Variants in MFSD2B observed in about 807,000 individuals in gnomAD.
MFSD2B encodes the protein sphingosine-1-phosphate transporter MFSD2B.
In MFSD2B, 56 loss-of-function variants were observed where a neutral mutation model predicts 58.4. The ratio of observed to expected loss-of-function variants is 0.96; its 90% confidence interval spans 0.77 to 1.20. The LOEUF is 1.20. MFSD2B is among the 50% of genes most tolerant of loss of function. The pLI, the probability that MFSD2B is intolerant of heterozygous loss-of-function variation, is 0.00. For synonymous variants in MFSD2B, 287 were observed against 294.4 expected (o/e 0.97, Z 0.26); for missense variants, 645 against 667.6 (o/e 0.97, Z 0.37).
rs773613843 is a variant in MFSD2B at position 24,022,555 on chromosome 2, G to A, written c.978+39G>A. ...GGGTGGTGGAGGCTAGGTCACTTGGGGCCCTGAGCTGGGGACATGTGTGGT... is the reference window on the plus strand; with the variant it reads ...GGGTGGTGGAGGCTAGGTCACTTGGAGCCCTGAGCTGGGGACATGTGTGGT... On this transcript the variant is annotated intron_variant, in intron 9 of 13. Coordinates refer to ENST00000338315, the MANE Select transcript of MFSD2B (RefSeq NM_001346880.2). The surrounding 1 kb of genome is among the most constrained non-coding windows in gnomAD (Gnocchi z 4.5). 29 of 1,524,022 alleles carry A rather than the reference G, an allele frequency of 1.9e-5. No homozygotes were observed. In the East Asian group the frequency reaches 6.7e-4, roughly 35 times the overall value. The allele number at this position is 1,524,022 out of a possible 1,614,324, so 94.4% of individuals were successfully genotyped here.
chr2:24,010,242 C>T, intron 1 of MFSD2B, 50 bp downstream of exon 1: 1 of 1,293,704 alleles, frequency 7.7e-7, no homozygotes, highest in South Asian at 1.9e-5. Context: ...CGGGGAGCTC[C>T]AGGGCGTCGC....
chr2:24,017,072 G>T lies in MFSD2B; in HGVS notation c.471+104G>T. 2 of 1,486,430 alleles carry T rather than the reference G, an allele frequency of 1.3e-6. No homozygotes were observed. Among genetic ancestry groups the T allele is most frequent in the Non-Finnish European group, 9.1e-7 (1 of 1,102,636 alleles). 92.1% of individuals were successfully genotyped at this position (1,486,430 alleles called of 1,614,324 possible). A position where few individuals can be genotyped will look rare whatever the true frequency, so the allele number is the denominator to read the frequency against. ...GGCAGGGCTGCCGCCCTCCCCACCC[G>T]CCTGTGCCTGGACCATGCCATTGGC... On this transcript the variant is annotated intron_variant, in intron 4 of 13. Coordinates refer to ENST00000338315, the MANE Select transcript of MFSD2B (RefSeq NM_001346880.2). The surrounding 1 kb of genome is among the most constrained non-coding windows in gnomAD (Gnocchi z 4.8).
chr2:24,014,871 G>A (rs533032820), intron 2 of MFSD2B, among the ~76,000 whole-genome samples: 8 of 151,996 alleles, frequency 5.3e-5, no homozygotes, highest in African/African-American at 1.9e-4. Flanking sequence ...TGTAATCCCA[G>A]CACTTTGCGA....
intron 2 of MFSD2B, among the ~76,000 whole-genome samples, chr2:24,015,155 T>G (rs1709093336): frequency 6.8e-6 from 1 of 147,728 alleles, no homozygotes; most frequent in Admixed American, 6.8e-5. Context: ...AAAAATGAGG[T>G]ATCCAGCCGG....
chr2:24,010,317 G>C (rs1708911881), intron 1 of MFSD2B, 125 bp downstream of exon 1: 1 of 726,246 alleles, frequency 1.4e-6, no homozygotes, highest in African/African-American at 1.9e-5. Flanking sequence ...CCAGCTCAGG[G>C]GCTGCCCTCG....
At chr2:24,013,760 GTT>G (rs10581925) in intron 2 of MFSD2B, among the ~76,000 whole-genome samples, 75,179 of 139,158 alleles carry the variant, frequency 0.54, 20,077 homozygotes, top group East Asian at 0.76. Flanking sequence ...GAATTTTTTT[GTT>G]TTTTTTTTTT....
At chr2:24,016,480 C>G (rs1193407409) in intron 3 of MFSD2B, among the ~76,000 whole-genome samples, 200 bp downstream of exon 3, 2 of 152,194 alleles carry the variant, frequency 1.3e-5, no homozygotes, top group Non-Finnish European at 2.9e-5. Flanking sequence ...CCCCAGATGG[C>G]ACGGGGCTGG....
chr2:24,019,007 C>T (rs563111371), intron 6 of MFSD2B, among the ~76,000 whole-genome samples: 16 of 152,038 alleles, frequency 1.1e-4, no homozygotes, highest in South Asian at 2.1e-4. Context: ...TGCGCCACCA[C>T]GCCTGGCTAA....
intron 3 of MFSD2B, 44 bp downstream of exon 3, chr2:24,016,324 G>T: frequency 1.9e-6 from 3 of 1,590,100 alleles, no homozygotes; most frequent in Non-Finnish European, 2.6e-6. Flanking sequence ...CCTGGTCCTG[G>T]CCCTGAGGTC....
At chr2:24,019,440 C>T (rs1662673880) in intron 6 of MFSD2B, among the ~76,000 whole-genome samples, 1 of 151,968 alleles carries the variant, frequency 6.6e-6, no homozygotes, top group Non-Finnish European at 1.5e-5. Flanking sequence ...GAAAATGTTA[C>T]AGCCAGGTGC....
Position 24,025,511 on chromosome 2 carries a change from C to T in MFSD2B, c.*55C>T. On this transcript the variant is annotated 3_prime_UTR_variant, in exon 14 of 14. Transcript: ENST00000338315. Reference sequence around the variant, plus strand: ...AGGAGCCAGCACCCTCGGGGCCTGACATCGCCCTCCTCAGCCCTCCAGCAC... The same window carrying T: ...AGGAGCCAGCACCCTCGGGGCCTGATATCGCCCTCCTCAGCCCTCCAGCAC... The T allele has an allele frequency of 6.8e-7, 1 of 1,475,900 alleles. No homozygotes were observed. The highest frequency in any genetic ancestry group is 1.2e-5 in the South Asian group (1 of 82,834). The allele number at this position is 1,475,900 out of a possible 1,614,324, so 91.4% of individuals were successfully genotyped here.
chr2:24,016,723 C>A, intron 3 of MFSD2B, 122 bp from the exon 4 acceptor site: 1 of 1,244,174 alleles, frequency 8.0e-7, no homozygotes, highest in Admixed American at 2.4e-5. Flanking sequence ...GGCTCCCACC[C>A]AGGGCGCCCC....
intron 3 of MFSD2B, 44 bp from the exon 4 acceptor site, chr2:24,016,801 T>C: frequency 6.2e-7 from 1 of 1,606,368 alleles, no homozygotes; most frequent in Non-Finnish European, 8.5e-7. Flanking sequence ...TGTGTTCCCC[T>C]GTCTGGGTCG....
chr2:24,010,509 G>A (rs960692843), intron 1 of MFSD2B, among the ~76,000 whole-genome samples: 3 of 152,194 alleles, frequency 2.0e-5, no homozygotes, highest in African/African-American at 7.2e-5. Context: ...CCGAGCTCTG[G>A]GCAGGCAGGG....
chr2:24,015,171 G>T (rs1049291662), intron 2 of MFSD2B, among the ~76,000 whole-genome samples: 7 of 151,274 alleles, frequency 4.6e-5, no homozygotes, highest in Non-Finnish European at 1.0e-4. Context: ...GCCGGGTATG[G>T]TGGCTCACAC....
At position 24,026,228 on chromosome 2, in the gene MFSD2B, C is replaced by A. The variant is rs1225950140; in HGVS notation, c.*772C>A. ...GGTTTTCAAAACAAGCGTAACTGAA[C>A]AGAGTATATATATGTATGTATATAA... On this transcript the variant is annotated 3_prime_UTR_variant, in exon 14 of 14. Transcript: ENST00000338315. 6.6e-6 allele frequency: 1 copy of A among 152,184 alleles called. No homozygotes were observed. Among genetic ancestry groups the A allele is most frequent in the Non-Finnish European group, 1.5e-5 (1 of 68,064 alleles). The allele number at this position is 152,184 out of a possible 1,614,324, so 9.4% of individuals were successfully genotyped here.
At chr2:24,015,204 G>C (rs1215645291) in intron 2 of MFSD2B, among the ~76,000 whole-genome samples, 1 of 151,984 alleles carries the variant, frequency 6.6e-6, no homozygotes, top group Non-Finnish European at 1.5e-5. Context: ...GGGAGGTCAA[G>C]GCGGGAGGAC....
rs1029993257 is a variant in MFSD2B at position 24,017,973 on chromosome 2, C to T, written c.681+385C>T. ...CCCTTCCTATGACCCATGCCCCCTC[C>T]CCCAGCCCTGACCAGGTGAGCCCCC... On this transcript the variant is annotated intron_variant, in intron 6 of 13. Coordinates refer to ENST00000338315, the MANE Select transcript of MFSD2B (RefSeq NM_001346880.2). The surrounding 1 kb of genome is among the most constrained non-coding windows in gnomAD (Gnocchi z 4.8). 6.6e-6 allele frequency among the ~76,000 whole-genome samples: 1 copy of T among 152,068 alleles called. No individual in the cohort carries two copies. Among genetic ancestry groups the T allele is most frequent in the African/African-American group, 2.4e-5 (1 of 41,412 alleles).
chr2:24,023,847 G>A lies in MFSD2B; in HGVS notation c.1313+121G>A. On this transcript the variant is annotated intron_variant, in intron 12 of 13. Transcript: ENST00000338315. The surrounding 1 kb of genome is among the most constrained non-coding windows in gnomAD (Gnocchi z 5.0). Reference sequence around the variant, plus strand: ...GCCTGGGGCCTAAGCGCTACTCTTTGGAGAGTGTGGGGAACCACTTCCCCA... The same window carrying A: ...GCCTGGGGCCTAAGCGCTACTCTTTAGAGAGTGTGGGGAACCACTTCCCCA... 8.0e-7 allele frequency: 1 copy of A among 1,245,468 alleles called. No individual in the cohort carries two copies. Among genetic ancestry groups the A allele is most frequent in the Non-Finnish European group, 1.1e-6 (1 of 887,376 alleles). The allele number at this position is 1,245,468 out of a possible 1,614,324, so 77.2% of individuals were successfully genotyped here. A position where few individuals can be genotyped will look rare whatever the true frequency, so the allele number is the denominator to read the frequency against.
Sources: gnomAD v4.1 joint callset for allele counts (sites outside exome capture counted in the v4.1 genomes callset) on GRCh38, gnomAD v4.1.1 for gene constraint, Gnocchi (gnomAD v3.1) non-coding constraint, MANE v1.5 for transcripts, NCBI Gene and HGNC (gene_info 2026-07-23, HGNC 2026-07-21) for gene names.